The following NLRP7 variants were observed in gnomAD, a reference collection of about 807,000 sequenced individuals.
The protein encoded by NLRP7 is NACHT, LRR and PYD domains-containing protein 7.
A neutral mutation model predicts 85.5 loss-of-function variants in NLRP7; 72 were observed. That is an observed-to-expected ratio of 0.84 (90% CI 0.70 to 1.02). The LOEUF is 1.02. Among genes scored for constraint, NLRP7 ranks in the 50% least tolerant of loss-of-function variants. The pLI, the probability that NLRP7 is intolerant of heterozygous loss-of-function variation, is 0.00. For missense variants in NLRP7, 1,243 were observed against 1,219.5 expected, an observed-to-expected ratio of 1.02 and a Z score of -0.29; for synonymous variants, 550 against 505.2, an observed-to-expected ratio of 1.09 and a Z score of -1.19.
At chr19:54,936,180 G>GT (rs2068915496) in intron 6 of NLRP7, 81 bp downstream of exon 6, 1 of 1,295,498 alleles carries the variant, frequency 7.7e-7, no homozygotes, top group South Asian at 1.2e-5. Flanking sequence ...ATCTGGAGTG[G>GT]TTACCCTTTT....
chr19:54,954,030 A>AAGGGCAACCGAGGCCAGACGTGG (rs1395778675), intron 1 of NLRP7, among the ~76,000 whole-genome samples: 5 of 148,988 alleles, frequency 3.4e-5, no homozygotes, highest in African/African-American at 1.2e-4. Context: ...ATAAATAAAA[A>AAGGGCAACCGAGGCCAGACGTGG]TAAATAAAGC....
At chr19:54,962,816 G>A (rs570517799) in intron 1 of NLRP7, among the ~76,000 whole-genome samples, 3,355 of 144,540 alleles carry the variant, frequency 0.023, 63 homozygotes, top group Middle Eastern at 0.041. Flanking sequence ...AGCCAGGATG[G>A]TCTCCATCTC....
intron 9 of NLRP7, among the ~76,000 whole-genome samples, chr19:54,930,130 A>AG (rs201449547): frequency 0.016 from 2,472 of 150,700 alleles, 83 homozygotes; most frequent in African/African-American, 0.057. Flanking sequence ...AAAAAAAAAA[A>AG]AAAAGAAAAC....
intron 9 of NLRP7, 104 bp from the exon 10 acceptor site, chr19:54,927,879 GC>G: frequency 1.0e-6 from 1 of 988,652 alleles, no homozygotes; most frequent in Non-Finnish European, 1.6e-6. Context: ...ATCACTTGAG[GC>G]CAGGTGTTCG....
chr19:54,947,223 G>A (rs958641650), intron 1 of NLRP7, among the ~76,000 whole-genome samples: 2 of 152,030 alleles, frequency 1.3e-5, no homozygotes, highest in Non-Finnish European at 2.9e-5. Context: ...TACTCAGGAG[G>A]CTGAGGCAGG....
chr19:54,958,216 G>C (rs566448969), intron 1 of NLRP7, among the ~76,000 whole-genome samples: 1 of 152,176 alleles, frequency 6.6e-6, no homozygotes, highest in African/African-American at 2.4e-5. Flanking sequence ...AGGAGAGAGA[G>C]ACAGAGAGGG....
chr19:54,947,771 G>T, upstream of NLRP7: 1 of 667,682 alleles, frequency 1.5e-6, no homozygotes, highest in Non-Finnish European at 2.3e-6. Flanking sequence ...AGACCACCCG[G>T]GCCAGGTGTG....
intron 1 of NLRP7, among the ~76,000 whole-genome samples, chr19:54,960,662 G>A (rs1363364130): frequency 1.3e-5 from 2 of 148,800 alleles, no homozygotes; most frequent in East Asian, 3.9e-4. Context: ...GTGGTGTGAT[G>A]GTGGCTCACT....
intron 9 of NLRP7, 115 bp from the exon 11 acceptor site, chr19:54,923,987 G>T: frequency 3.5e-6 from 4 of 1,157,300 alleles, no homozygotes. Context: ...ATTTTCTGGG[G>T]GACAGGGTCT....
At chr19:54,928,481 T>G (rs1022023925) in intron 9 of NLRP7, among the ~76,000 whole-genome samples, 1 of 152,148 alleles carries the variant, frequency 6.6e-6, no homozygotes, top group African/African-American at 2.4e-5. Flanking sequence ...GAAGAAATCC[T>G]TGTCCTCAGA....
At chr19:54,943,557 C>T (rs374362817) in intron 1 of NLRP7, among the ~76,000 whole-genome samples, 47 of 147,872 alleles carry the variant, frequency 3.2e-4, no homozygotes, top group East Asian at 8.1e-4. Context: ...GCGGAGATCG[C>T]GCCACCGCAC....
In NLRP7 at chr19:54,936,334, C is replaced by T. The variant is rs757483897; in HGVS notation, c.2227G>A (p.Glu743Lys). The change falls in exon 6 of 10, where the codon GAG (glutamate) becomes AAG (lysine). Residue 743 changes from glutamate to lysine, a missense_variant. Physicochemically the swap from Glu to Lys is moderately conservative, Grantham distance 56. Around this residue, in one of 3 missense-constraint regions of NLRP7, gnomAD observed 613 missense variants for 588.4 expected, o/e 1.04. Transcript: ENST00000340844. ...ATCAGCATCATCGTGCGTTCCCACTCGATGTGCCCTGCCAGGGTCAGGTGC... is the reference window on the plus strand; with the variant it reads ...ATCAGCATCATCGTGCGTTCCCACTTGATGTGCCCTGCCAGGGTCAGGTGC... 1.8e-5 allele frequency: 29 copies of T among 1,613,952 alleles called. No homozygotes were observed. Among genetic ancestry groups the T allele is most frequent in the Middle Eastern group, 1.6e-4 (1 of 6,076 alleles).
rs541571718 is a variant in NLRP7, at chr19:54,943,466, T to G, written c.-39-1716A>C. On this transcript the variant is annotated intron_variant, in intron 1 of 9. Transcript: ENST00000340844. Reference sequence around the variant, plus strand: ...AATACAAACAATTAGCCGGGCGTGGTGGCGGGCGCCTGTAGTCCCAGCTAC... The same window carrying G: ...AATACAAACAATTAGCCGGGCGTGGGGGCGGGCGCCTGTAGTCCCAGCTAC... Among the ~76,000 whole-genome samples, 3 of 151,902 alleles carry G rather than the reference T, an allele frequency of 2.0e-5. No homozygotes were observed. In the East Asian group the frequency reaches 5.9e-4, roughly 30 times the overall value.
upstream of NLRP7, chr19:54,947,981 A>C (rs1385597394): frequency 8.7e-6 from 2 of 229,336 alleles, no homozygotes. Context: ...CCTGCCTATA[A>C]ATCCCAGCAG....
chr19:54,947,384 G>T (rs1445088296), intron 1 of NLRP7, 85 bp downstream of exon 1: 3 of 1,026,154 alleles, frequency 2.9e-6, no homozygotes, highest in Middle Eastern at 2.7e-4. Context: ...TAAGGCTTGG[G>T]AAGGGCTATG....
chr19:54,954,947 C>G (rs1265503388), intron 1 of NLRP7, among the ~76,000 whole-genome samples: 1 of 152,272 alleles, frequency 6.6e-6, no homozygotes, highest in South Asian at 2.1e-4. Flanking sequence ...CTTGCTTCCA[C>G]TTTACTCCAT....
intron 9 of NLRP7, chr19:54,927,737 T>G: frequency 6.2e-7 from 1 of 1,614,098 alleles, no homozygotes. Context: ...AGATCCAAGA[T>G]GCTGACAATA....
intron 6 of NLRP7, among the ~76,000 whole-genome samples, chr19:54,935,010 T>C (rs978978534): frequency 5.9e-5 from 9 of 152,138 alleles, no homozygotes; most frequent in East Asian, 3.9e-4. Flanking sequence ...ATCAGCTTCT[T>C]CTGCTTCACT....
chr19:54,942,951 C>T (rs1011278596), intron 1 of NLRP7, among the ~76,000 whole-genome samples: 24 of 150,076 alleles, frequency 1.6e-4, no homozygotes, highest in African/African-American at 3.7e-4. Flanking sequence ...GTTTGAGACC[C>T]GCCTGGCCCA....
Sources: allele counts gnomAD v4.1 joint callset (sites outside exome capture counted in the v4.1 genomes callset), GRCh38; gene constraint gnomAD v4.1.1; regional missense constraint gnomAD v4.1.1; transcripts MANE v1.5; gene names NCBI Gene and HGNC (gene_info 2026-07-23, HGNC 2026-07-21).